The following P2RX4 variants were observed in gnomAD, a reference collection of about 807,000 sequenced individuals.
P2RX4 encodes purinergic receptor P2X 4, also known as P2X purinoceptor 4.
A neutral mutation model predicts 48.0 loss-of-function variants in P2RX4; 37 were observed. The observed-to-expected ratio is 0.77, with a 90% CI of 0.59 to 1.01. P2RX4 has a LOEUF of 1.01. P2RX4 is among the 50% of genes least tolerant of loss of function. The pLI is 0.00. For synonymous variants in P2RX4, 200 were observed against 199.7 expected, an observed-to-expected ratio of 1.00 and a Z score of -0.01; for missense variants, 501 against 521.4, an observed-to-expected ratio of 0.96 and a Z score of 0.38.
At chr12:121,233,193 G>A (rs368424088) in intron 11 of P2RX4, 101 bp downstream of exon 11, 2 of 811,810 alleles carry the variant, frequency 2.5e-6, no homozygotes, top group Non-Finnish European at 4.0e-6. Flanking sequence ...GCAGAGGCTG[G>A]CACCAGTGTG....
chr12:121,217,602 A>G (rs897612170), intron 2 of P2RX4, among the ~76,000 whole-genome samples: 2 of 152,064 alleles, frequency 1.3e-5, no homozygotes, highest in Admixed American at 6.6e-5. Context: ...TTATTGTCCC[A>G]AATACACGAG....
intron 4 of P2RX4, chr12:121,222,398 G>GTTTTTTTTTTTGTTTTTTTTTT: frequency 4.7e-6 from 2 of 425,546 alleles, no homozygotes; most frequent in Non-Finnish European, 4.2e-6. Context: ...GTTTTTTCTT[G>GTTTTTTTTTTTGTTTTTTTTTT]TTTTTTTTTT....
intron 11 of P2RX4, 163 bp from the exon 12 acceptor site, chr12:121,233,360 G>A: frequency 4.2e-6 from 3 of 707,306 alleles, no homozygotes; most frequent in Non-Finnish European, 7.5e-6. Context: ...ATGCCTGTGG[G>A]CACACACTAC....
chr12:121,230,457 C>G (rs939569876), intron 8 of P2RX4, among the ~76,000 whole-genome samples: 2 of 152,228 alleles, frequency 1.3e-5, no homozygotes, highest in East Asian at 3.8e-4. Context: ...CACTTGCCTC[C>G]CCCTAGTGGT....
Position 121,233,672 on chromosome 12 carries a change from AG to A in P2RX4, c.*124del. ...AATCTGATTGAGTCTCCACTCCACAAGCACTCAGGGTTCCCCAGCAGCTCCT... is the reference window on the plus strand; with the variant it reads ...AATCTGATTGAGTCTCCACTCCACAACACTCAGGGTTCCCCAGCAGCTCCT... On this transcript the variant is annotated 3_prime_UTR_variant, in exon 12 of 12. Transcript: ENST00000337233. The A allele has an allele frequency of 3.2e-6, 5 of 1,543,248 alleles. No homozygotes were observed. The highest frequency in any genetic ancestry group is 4.4e-6 in the Non-Finnish European group (5 of 1,142,440).
intron 5 of P2RX4, among the ~76,000 whole-genome samples, chr12:121,225,931 A>G (rs1400225530): frequency 6.6e-6 from 1 of 151,952 alleles, no homozygotes; most frequent in Admixed American, 6.6e-5. Context: ...CACCCAGTGC[A>G]GTGATAACGA....
Position 121,229,190 on chromosome 12 carries a change from C to T in P2RX4, c.884+91C>T, listed in dbSNP as rs562042526. The T allele has an allele frequency of 6.0e-6, 9 of 1,488,852 alleles. No homozygotes were observed. The African/African-American group carries it at 1.1e-4, about 18-fold the overall frequency. The allele number at this position is 1,488,852 out of a possible 1,614,324, so 92.2% of individuals were successfully genotyped here. On this transcript the variant is annotated intron_variant, in intron 8 of 11. Transcript: ENST00000337233. The surrounding 1 kb of genome is among the most constrained non-coding windows in gnomAD (Gnocchi z 4.6). ...GGGCCGCCCACTGAAGACCAGCACT[C>T]AGGCAGCACCCCAAGGGCAGGCTGC...
chr12:121,223,108 C>T lies in P2RX4; in HGVS notation c.524+65C>T, dbSNP rs1249320778. The T allele has an allele frequency of 4.8e-6, 5 of 1,031,870 alleles. No individual in the cohort carries two copies. In the East Asian group the frequency reaches 1.2e-4, roughly 26 times the overall value. The allele number at this position is 1,031,870 out of a possible 1,614,324, so 63.9% of individuals were successfully genotyped here. On this transcript the variant is annotated intron_variant, in intron 5 of 11. Transcript: ENST00000337233. ...GTTTTGTTTTAGACACAGTTTCACTCTGTATCCCAGGTTGGAGTGCAGTGG... is the reference window on the plus strand; with the variant it reads ...GTTTTGTTTTAGACACAGTTTCACTTTGTATCCCAGGTTGGAGTGCAGTGG...
intron 1 of P2RX4, chr12:121,215,446 T>C (rs900386779): frequency 1.6e-5 from 1 of 64,170 alleles, no homozygotes; most frequent in African/African-American, 6.5e-5. Context: ...TAGATGGTTT[T>C]TTTTTTTTTT....
intron 2 of P2RX4, among the ~76,000 whole-genome samples, chr12:121,221,166 T>TTGTGTGTGTG (rs71079040): frequency 2.1e-4 from 21 of 100,920 alleles, no homozygotes; most frequent in Middle Eastern, 4.4e-3. Context: ...CTGTGTGTGT[T>TTGTGTGTGTG]TGTGTGTGTG....
At chr12:121,225,197 T>A (rs992420959) in intron 5 of P2RX4, among the ~76,000 whole-genome samples, 3 of 147,234 alleles carry the variant, frequency 2.0e-5, no homozygotes, top group Non-Finnish European at 4.5e-5. Context: ...CTCAGCCTCC[T>A]GAGTAGCTGG....
rs545977646 is a variant in P2RX4 at position 121,218,140 on chromosome 12, G to A, written c.282+859G>A. Among the ~76,000 whole-genome samples, 5 of 152,292 alleles carry A rather than the reference G, an allele frequency of 3.3e-5. No individual in the cohort carries two copies. The South Asian group carries it at 1.0e-3, about 32-fold the overall frequency. On this transcript the variant is annotated intron_variant, in intron 2 of 11. Coordinates refer to ENST00000337233, the MANE Select transcript of P2RX4 (RefSeq NM_002560.3). ...TGTGTTCTTCCCCCTGCCTTCTCAA[G>A]AGAAGGGTCTTGTGGGGTCCCCAGA...
rs2136251804 is a variant in P2RX4, at chr12:121,233,767, A to G, written c.*218A>G. 8.5e-7 allele frequency: 1 copy of G among 1,178,212 alleles called. No homozygotes were observed. The highest frequency in any genetic ancestry group is 1.2e-6 in the Non-Finnish European group (1 of 862,928). 73.0% of individuals were successfully genotyped at this position (1,178,212 alleles called of 1,614,324 possible). A position where few individuals can be genotyped will look rare whatever the true frequency, so the allele number is the denominator to read the frequency against. On this transcript the variant is annotated 3_prime_UTR_variant, in exon 12 of 12. Transcript: ENST00000337233. ...TCAGCAGTCTGTTCTTGGCTGGGTC[A>G]ACTCTGCTTTTCCCGCAACCTGGGG...
chr12:121,222,398 G>GTTTTTTTTTTTTTTTTTTTTTTTT, intron 4 of P2RX4: 1 of 425,548 alleles, frequency 2.3e-6, no homozygotes, highest in Non-Finnish European at 4.2e-6. Context: ...GTTTTTTCTT[G>GTTTTTTTTTTTTTTTTTTTTTTTT]TTTTTTTTTT....
intron 1 of P2RX4, chr12:121,216,850 G>C: frequency 1.5e-6 from 1 of 645,454 alleles, no homozygotes; most frequent in Non-Finnish European, 2.8e-6. Flanking sequence ...ATGCTCAAAT[G>C]TAATAAAGAC....
chr12:121,221,895 G>A lies in P2RX4; in HGVS notation c.283-18G>A, dbSNP rs1245587242. On this transcript the variant is annotated intron_variant, in intron 2 of 11. Coordinates refer to ENST00000337233, the MANE Select transcript of P2RX4 (RefSeq NM_002560.3). Reference sequence around the variant, plus strand: ...AGTCCTCTGAGCGTGGCTTGCCCGTGCTGTCTCCCCTCTGCAGGAGGAAAA... The same window carrying A: ...AGTCCTCTGAGCGTGGCTTGCCCGTACTGTCTCCCCTCTGCAGGAGGAAAA... 1.2e-6 allele frequency: 2 copies of A among 1,613,072 alleles called. No homozygotes were observed.
chr12:121,228,897 G>A (rs1887168606), intron 7 of P2RX4, 31 bp downstream of exon 7: 1 of 1,614,036 alleles, frequency 6.2e-7, no homozygotes, highest in Non-Finnish European at 8.5e-7. Context: ...TCCTGACCCA[G>A]CCCTGGAGGC....
chr12:121,228,817 G>A lies in P2RX4; in HGVS notation c.698G>A (p.Gly233Asp). The change falls in exon 7 of 12, where the codon GGC (glycine) becomes GAC (aspartate). Residue 233 changes from glycine (G) to aspartate (D), a missense_variant. Gly to Asp is a moderately conservative substitution (Grantham distance 94). Transcript: ENST00000337233. The stretch of plus-strand genomic sequence containing the variant: ...CCCTTCTGCCCCATATTCCGTCTTG[G>A]CAAAATAGTGGAGAACGCAGGACAC... Reference protein sequence around the residue: ...TDPFCPIFRLGKIVENAGHSF... With the variant: ...TDPFCPIFRLDKIVENAGHSF... The A allele has an allele frequency of 6.2e-7, 1 of 1,614,124 alleles. No homozygotes were observed. Among genetic ancestry groups the A allele is most frequent in the Non-Finnish European group, 8.5e-7 (1 of 1,180,026 alleles).
intron 4 of P2RX4, chr12:121,222,727 T>C: frequency 1.3e-6 from 2 of 1,485,966 alleles, no homozygotes; most frequent in Non-Finnish European, 1.8e-6. Context: ...TCCCATTCTT[T>C]AGCTTGGCAT....
Sources: gnomAD v4.1 joint callset for allele counts (sites outside exome capture counted in the v4.1 genomes callset) on GRCh38, gnomAD v4.1.1 for gene constraint, Gnocchi (gnomAD v3.1) non-coding constraint, MANE v1.5 for transcripts, NCBI Gene and HGNC (gene_info 2026-07-23, HGNC 2026-07-21) for gene names.